The following GABRB2 variants were observed in gnomAD, a reference collection of about 807,000 sequenced individuals.
GABRB2 encodes the protein gamma-aminobutyric acid receptor subunit beta-2.
Under a neutral mutation model 54.7 loss-of-function variants are expected in GABRB2, and 16 were observed. The observed-to-expected ratio is 0.29, with a 90% CI of 0.20 to 0.44. The LOEUF is 0.44. Ranked by LOEUF, GABRB2 falls within the 20% of genes least tolerant of loss-of-function variation. GABRB2 has a pLI of 1.00. For synonymous variants in GABRB2, 244 were observed against 233.8 expected (o/e 1.04, Z -0.40); for missense variants, 355 against 644.0 (o/e 0.55, Z 4.86).
chr5:161,395,105 G>A (rs1755955221), intron 5 of GABRB2, among the ~76,000 whole-genome samples: 1 of 152,082 alleles, frequency 6.6e-6, no homozygotes, highest in African/African-American at 2.4e-5. Context: ...AAGAAGAAAG[G>A]ATATGATCAT....
At chr5:161,491,048 G>C (rs1335146243) in intron 3 of GABRB2, among the ~76,000 whole-genome samples, 1 of 151,560 alleles carries the variant, frequency 6.6e-6, no homozygotes, top group Non-Finnish European at 1.5e-5. Flanking sequence ...TTTGGGAGTA[G>C]ATAAAGCCAG....
At chr5:161,314,233 C>T (rs1757959258) in intron 9 of GABRB2, among the ~76,000 whole-genome samples, 1 of 152,248 alleles carries the variant, frequency 6.6e-6, no homozygotes, top group South Asian at 2.1e-4. Flanking sequence ...TCTCATGACT[C>T]ATAGATGCTT....
At chr5:161,318,527 G>C (rs1041401078) in intron 9 of GABRB2, among the ~76,000 whole-genome samples, 1 of 151,876 alleles carries the variant, frequency 6.6e-6, no homozygotes, top group Non-Finnish European at 1.5e-5. Context: ...ACTTAAATTT[G>C]TTATGCTCTA....
intron 8 of GABRB2, chr5:161,329,734 C>T (rs1262408947): frequency 6.6e-6 from 1 of 152,058 alleles, no homozygotes; most frequent in Non-Finnish European, 1.5e-5. Context: ...TAATGTTTTC[C>T]TAGTCCCATC....
intron 5 of GABRB2, 91 bp from the exon 6 acceptor site, chr5:161,336,860 G>T: frequency 7.5e-7 from 1 of 1,327,264 alleles, no homozygotes; most frequent in South Asian, 1.4e-5. Flanking sequence ...CTGTTTAGAA[G>T]ATGACCTATA....
intron 3 of GABRB2, among the ~76,000 whole-genome samples, chr5:161,515,627 G>C (rs945198605): frequency 2.6e-5 from 4 of 152,108 alleles, no homozygotes; most frequent in African/African-American, 9.7e-5. Context: ...ATCTAAGCTT[G>C]TTAGAGTTAA....
chr5:161,347,498 G>C (rs1238671583), intron 5 of GABRB2, among the ~76,000 whole-genome samples: 1 of 152,106 alleles, frequency 6.6e-6, no homozygotes, highest in African/African-American at 2.4e-5. Context: ...TTGAATGTGA[G>C]CTGCCCTTGC....
chr5:161,494,721 C>T (rs1044328364), intron 3 of GABRB2, among the ~76,000 whole-genome samples: 1 of 151,704 alleles, frequency 6.6e-6, no homozygotes, highest in African/African-American at 2.4e-5. Flanking sequence ...TGATGTTTCT[C>T]CAGGCAGCAA....
At chr5:161,476,110 A>G (rs545618251) in intron 3 of GABRB2, among the ~76,000 whole-genome samples, 1 of 152,000 alleles carries the variant, frequency 6.6e-6, no homozygotes, top group Admixed American at 6.6e-5. Context: ...CACAAAGTCA[A>G]TATTCAAAAA....
intron 3 of GABRB2, among the ~76,000 whole-genome samples, chr5:161,500,445 G>A (rs1759396958): frequency 6.6e-6 from 1 of 152,114 alleles, no homozygotes; most frequent in Non-Finnish European, 1.5e-5. Flanking sequence ...ATTGTTACCA[G>A]GATAAAATGT....
intron 9 of GABRB2, among the ~76,000 whole-genome samples, chr5:161,321,879 T>C (rs1758221194): frequency 6.6e-6 from 1 of 152,202 alleles, no homozygotes; most frequent in Admixed American, 6.5e-5. Context: ...TTGTTATACA[T>C]ACCTGTAAAT....
At chr5:161,460,361 T>G (rs971703135) in intron 3 of GABRB2, among the ~76,000 whole-genome samples, 2 of 152,110 alleles carry the variant, frequency 1.3e-5, no homozygotes, top group South Asian at 4.1e-4. Context: ...ACTAATTTAT[T>G]AAACCCATTC....
chr5:161,312,871 G>A lies in GABRB2; in HGVS notation c.1191+13497C>T, dbSNP rs1171902988. On this transcript the variant is annotated intron_variant, in intron 9 of 9. Transcript: ENST00000393959. The stretch of plus-strand genomic sequence containing the variant: ...AAAGTGCTGTTATGGGGCAGTGGAC[G>A]ATAAGAGATAACTCAACCAGAGCAG... 2.7e-5 allele frequency among the ~76,000 whole-genome samples: 4 copies of A among 148,000 alleles called. No individual in the cohort carries two copies. The South Asian group carries it at 8.4e-4, about 31-fold the overall frequency.
intron 5 of GABRB2, among the ~76,000 whole-genome samples, chr5:161,384,532 C>T (rs146564170): frequency 7.5e-4 from 114 of 152,214 alleles, no homozygotes; most frequent in Non-Finnish European, 1.2e-3. Context: ...TTCATTCATC[C>T]GACACCTGCT....
chr5:161,436,434 G>A (rs1757309837), intron 4 of GABRB2, among the ~76,000 whole-genome samples: 1 of 151,902 alleles, frequency 6.6e-6, no homozygotes, highest in African/African-American at 2.4e-5. Flanking sequence ...TAGGGAGGCT[G>A]AGGCAGGAGA....
chr5:161,487,347 G>C (rs1758958064), intron 3 of GABRB2, among the ~76,000 whole-genome samples: 1 of 151,852 alleles, frequency 6.6e-6, no homozygotes, highest in Admixed American at 6.6e-5. Flanking sequence ...GACTGGAGCA[G>C]GTAATAAGAG....
At chr5:161,462,869 T>C (rs1758154257) in intron 3 of GABRB2, among the ~76,000 whole-genome samples, 1 of 152,116 alleles carries the variant, frequency 6.6e-6, no homozygotes. Context: ...TGGTCCTGTC[T>C]TCTACCCTTT....
chr5:161,538,302 G>T (rs1036978589), intron 3 of GABRB2, among the ~76,000 whole-genome samples: 1 of 152,114 alleles, frequency 6.6e-6, no homozygotes, highest in Non-Finnish European at 1.5e-5. Flanking sequence ...TAACCTTGTC[G>T]TGATGTAATT....
At chr5:161,311,269 C>T (rs1757861024) in intron 9 of GABRB2, among the ~76,000 whole-genome samples, 1 of 152,194 alleles carries the variant, frequency 6.6e-6, no homozygotes, top group Non-Finnish European at 1.5e-5. Flanking sequence ...AGAGACTTAG[C>T]TAGGCTGAGT....
Sources: allele counts gnomAD v4.1 joint callset (sites outside exome capture counted in the v4.1 genomes callset), GRCh38; gene constraint gnomAD v4.1.1; transcripts MANE v1.5; gene names NCBI Gene and HGNC (gene_info 2026-07-23, HGNC 2026-07-21).